The following EHMT1 variants were observed in gnomAD, a reference collection of about 807,000 sequenced individuals.
EHMT1 encodes the protein histone-lysine N-methyltransferase EHMT1.
Under a neutral mutation model 147.2 loss-of-function variants are expected in EHMT1, and 15 were observed. That is an observed-to-expected ratio of 0.10 (90% CI 0.07 to 0.16). The LOEUF (loss-of-function observed/expected upper bound fraction) is 0.16. Among genes scored for constraint, EHMT1 ranks in the 10% least tolerant of loss-of-function variants. The pLI is 1.00. For missense variants in EHMT1, 1,587 were observed against 1,772.4 expected, an observed-to-expected ratio of 0.90 and a Z score of 1.88; for synonymous variants, 795 against 709.6, an observed-to-expected ratio of 1.12 and a Z score of -1.91.
intron 1 of EHMT1, among the ~76,000 whole-genome samples, chr9:137,635,880 A>G (rs1170189109): frequency 2.0e-5 from 3 of 152,024 alleles, no homozygotes; most frequent in East Asian, 3.9e-4. Context: ...ATTTCTTACA[A>G]GTATTTTATT....
At chr9:137,758,095 C>T in intron 9 of EHMT1, 84 bp downstream of exon 9, 4 of 1,567,652 alleles carry the variant, frequency 2.6e-6, no homozygotes, top group Non-Finnish European at 3.5e-6. Context: ...GCATGATGCC[C>T]CTTGGTGGAC....
intron 1 of EHMT1, among the ~76,000 whole-genome samples, chr9:137,687,367 C>G (rs1942548238): frequency 6.6e-6 from 1 of 152,044 alleles, no homozygotes; most frequent in South Asian, 2.1e-4. Context: ...AGCAGCAAAG[C>G]CAGTTGAGAT....
chr9:137,689,246 C>G (rs760228952), intron 1 of EHMT1, among the ~76,000 whole-genome samples: 8 of 152,194 alleles, frequency 5.3e-5, no homozygotes, highest in African/African-American at 1.9e-4. Context: ...GATCCCACCT[C>G]CTCCTCAGAA....
chr9:137,791,119 T>G (rs544337788), intron 16 of EHMT1, 149 bp downstream of exon 16: 2 of 1,323,976 alleles, frequency 1.5e-6, no homozygotes, highest in Non-Finnish European at 2.1e-6. Flanking sequence ...CATCTCACTT[T>G]GGTTACCTGG....
chr9:137,780,226 TGTGATGACGCTGGGATGTGTG>T, intron 14 of EHMT1, among the ~76,000 whole-genome samples: 1 of 130,808 alleles, frequency 7.6e-6, no homozygotes, highest in Non-Finnish European at 1.6e-5. Context: ...GACGCTGAGA[TGTGATGACGCTGGGATGTGTG>T]GTGATGACGC....
chr9:137,784,209 G>A, intron 15 of EHMT1: 1 of 1,549,948 alleles, frequency 6.5e-7, no homozygotes, highest in Non-Finnish European at 8.7e-7. Flanking sequence ...CCAAGAGGAA[G>A]ATGCTCCAGC....
chr9:137,621,210 G>C (rs1182893653), intron 1 of EHMT1, among the ~76,000 whole-genome samples: 1 of 152,208 alleles, frequency 6.6e-6, no homozygotes, highest in African/African-American at 2.4e-5. Context: ...GAGCCCCTGT[G>C]TGTAGCGCAG....
At chr9:137,644,039 T>TC (rs1317943873) in intron 1 of EHMT1, among the ~76,000 whole-genome samples, 2 of 152,164 alleles carry the variant, frequency 1.3e-5, no homozygotes, top group African/African-American at 4.8e-5. Context: ...TGAGGGCCGC[T>TC]CCTCCCTTCT....
intron 1 of EHMT1, among the ~76,000 whole-genome samples, chr9:137,660,703 T>A (rs1167341778): frequency 6.6e-6 from 1 of 152,218 alleles, no homozygotes; most frequent in East Asian, 1.9e-4. Context: ...ATTTCTCTCT[T>A]CATTTAGTTT....
At chr9:137,729,457 G>A (rs1168834097) in intron 4 of EHMT1, among the ~76,000 whole-genome samples, 1 of 152,014 alleles carries the variant, frequency 6.6e-6, no homozygotes, top group East Asian at 1.9e-4. Context: ...CATGGTGGCG[G>A]GCGCCTGTAG....
chr9:137,673,776 G>A (rs1334646061), intron 1 of EHMT1, among the ~76,000 whole-genome samples: 1 of 152,242 alleles, frequency 6.6e-6, no homozygotes, highest in African/African-American at 2.4e-5. Context: ...GTAATTGTGT[G>A]AGAGTATGTA....
intron 4 of EHMT1, among the ~76,000 whole-genome samples, chr9:137,741,223 G>A (rs1340259364): frequency 2.0e-5 from 3 of 152,058 alleles, no homozygotes; most frequent in Admixed American, 1.3e-4. Flanking sequence ...TGATCCACCC[G>A]CCTCGGCCTC....
chr9:137,826,866 A>T (rs1021126248), intron 25 of EHMT1, among the ~76,000 whole-genome samples: 1 of 152,192 alleles, frequency 6.6e-6, no homozygotes, highest in African/African-American at 2.4e-5. Flanking sequence ...CCATATTCCC[A>T]GTTCACTGTG....
At chr9:137,785,808 C>A in intron 15 of EHMT1, 1 of 152,390 alleles carries the variant, frequency 6.6e-6, no homozygotes. Flanking sequence ...TGCTGGCTCC[C>A]TGGACACCTG....
chr9:137,644,129 C>A (rs1424184696), intron 1 of EHMT1, among the ~76,000 whole-genome samples: 1 of 152,154 alleles, frequency 6.6e-6, no homozygotes, highest in Non-Finnish European at 1.5e-5. Context: ...CACGGCTGAT[C>A]CCGCCGTGCA....
At chr9:137,632,591 A>G (rs185802965) in intron 1 of EHMT1, among the ~76,000 whole-genome samples, 1 of 152,196 alleles carries the variant, frequency 6.6e-6, no homozygotes, top group East Asian at 1.9e-4. Context: ...TTTGGTAGAG[A>G]CAGGGTTTCA....
chr9:137,715,691 G>T, intron 2 of EHMT1: 1 of 985,444 alleles, frequency 1.0e-6, no homozygotes, highest in Non-Finnish European at 1.2e-6. Flanking sequence ...CCCTGGATAT[G>T]ATTTCCTGGG....
chr9:137,726,899 A>T (rs1946684934), intron 3 of EHMT1, among the ~76,000 whole-genome samples: 1 of 152,176 alleles, frequency 6.6e-6, no homozygotes, highest in South Asian at 2.1e-4. Flanking sequence ...TGGTTTTGAT[A>T]TGCATTTCCC....
intron 16 of EHMT1, among the ~76,000 whole-genome samples, chr9:137,798,181 C>T (rs1953121777): frequency 6.6e-6 from 1 of 152,104 alleles, no homozygotes; most frequent in South Asian, 2.1e-4. Context: ...GGGAGGATTG[C>T]TTGGGGTCAG....
Sources: gnomAD v4.1 joint callset for allele counts (sites outside exome capture counted in the v4.1 genomes callset) on GRCh38, gnomAD v4.1.1 for gene constraint, MANE v1.5 for transcripts, NCBI Gene and HGNC (gene_info 2026-07-23, HGNC 2026-07-21) for gene names.